The following TUBGCP5 variants were observed in gnomAD, a reference collection of about 807,000 sequenced individuals.
TUBGCP5 encodes tubulin gamma complex component 5, also known as gamma-tubulin complex component 5.
A neutral mutation model predicts 134.7 loss-of-function variants in TUBGCP5; 98 were observed. The ratio of observed to expected loss-of-function variants is 0.73; its 90% CI spans 0.62 to 0.86. The LOEUF is 0.86. TUBGCP5 is among the 40% of genes least tolerant of loss of function. TUBGCP5 has a pLI of 0.00. For synonymous variants in TUBGCP5, 456 were observed against 431.4 expected (o/e 1.06, Z -0.71); for missense variants, 1,150 against 1,244.8 (o/e 0.92, Z 1.15).
intron 16 of TUBGCP5, among the ~76,000 whole-genome samples, chr15:23,007,315 G>A (rs978068128): frequency 2.0e-5 from 3 of 152,128 alleles, no homozygotes; most frequent in Admixed American, 6.5e-5. Flanking sequence ...GCATGAACCC[G>A]GGAGGCGGAG....
downstream of TUBGCP5, among the ~76,000 whole-genome samples, chr15:22,995,701 G>A (rs965055646): frequency 1.3e-5 from 2 of 151,980 alleles, no homozygotes; most frequent in African/African-American, 2.4e-5. Flanking sequence ...ACAATTCAAT[G>A]AGTTTTGTCA....
Position 23,011,296 on chromosome 15 carries a change from C to T in TUBGCP5, c.1792G>A (p.Glu598Lys). ...ERKSLYTLFL[E>K]SVQSRLRHGE... is the part of the protein sequence containing the mutation. ...TGTCGAAGACGGGACTGTACAGATT[C>T]CAGAAAGAGAGTGTATAAACTTTTT... The change falls in exon 14 of 23, where the codon GAA (glutamate) becomes AAA (lysine). Residue 598 changes from glutamate to lysine, a missense_variant. By Grantham distance (56) the Glu-to-Lys change is moderately conservative (BLOSUM62 1). Coordinates refer to ENST00000615383, the MANE Select transcript of TUBGCP5 (RefSeq NM_052903.6). 1.2e-6 allele frequency: 2 copies of T among 1,613,042 alleles called. No homozygotes were observed. The highest frequency in any genetic ancestry group is 1.3e-5 in the African/African-American group (1 of 74,910).
At position 23,018,061 on chromosome 15, in the gene TUBGCP5, T is replaced by C; in HGVS notation, c.1488-20A>G. 1 of 1,585,612 alleles carries C rather than the reference T, an allele frequency of 6.3e-7. No individual in the cohort carries two copies. The highest frequency in any genetic ancestry group is 1.1e-5 in the South Asian group (1 of 86,960). ...TTGTTTCTAAAGAGATTCAAAAGAA[T>C]TTTAAACTCTTATTTCTCTTTCTTA... is the stretch of plus-strand genomic sequence containing the variant. On this transcript the variant is annotated intron_variant, in intron 12 of 22. Coordinates refer to ENST00000615383, the MANE Select transcript of TUBGCP5 (RefSeq NM_052903.6).
Position 23,024,801 on chromosome 15 carries a change from A to G in TUBGCP5, c.857T>C (p.Ile286Thr). 1 of 1,598,052 alleles carries G rather than the reference A, an allele frequency of 6.3e-7. No individual in the cohort carries two copies. The highest frequency in any genetic ancestry group is 1.1e-5 in the South Asian group (1 of 88,962). ...TACCTTCCCATCTATCAACTGAAAT[A>G]TAAAGAGCTTTTTCACTCCTGAAAG... ...WLLSGVKKLF[I>T]FQLIDGKVTV... The change falls in exon 9 of 23, where the codon ATA (isoleucine) becomes ACA (threonine). Residue 286 changes from isoleucine to threonine, a missense_variant. By Grantham distance (89) the Ile-to-Thr change is moderately conservative. Around this residue, in one of 2 missense-constraint regions of TUBGCP5, gnomAD observed 453 missense variants for 394.7 expected, o/e 1.15. Coordinates refer to ENST00000615383, the MANE Select transcript of TUBGCP5 (RefSeq NM_052903.6).
At chr15:22,987,390 C>T (rs760216000) in intron 23 of TUBGCP5, among the ~76,000 whole-genome samples, 33 of 151,574 alleles carry the variant, frequency 2.2e-4, no homozygotes, top group Admixed American at 5.3e-4. Flanking sequence ...GTTTCTGTCA[C>T]GGTCACAACA....
chr15:22,998,392 G>A (rs80331667), downstream of TUBGCP5, among the ~76,000 whole-genome samples: 288 of 152,260 alleles, frequency 1.9e-3, 5 homozygotes, highest in East Asian at 0.024. Flanking sequence ...TACATTTATC[G>A]CTATCAGTTG....
chr15:23,012,567 C>T (rs1367625400), intron 13 of TUBGCP5, among the ~76,000 whole-genome samples: 1 of 152,152 alleles, frequency 6.6e-6, no homozygotes, highest in Non-Finnish European at 1.5e-5. Flanking sequence ...GCCATCATGC[C>T]CAGCTAATTT....
intron 1 of TUBGCP5, among the ~76,000 whole-genome samples, chr15:23,037,884 C>T (rs2066685318): frequency 6.6e-6 from 1 of 152,182 alleles, no homozygotes; most frequent in African/African-American, 2.4e-5. Flanking sequence ...CCTGCCTCAG[C>T]CTCCCAAGTA....
At chr15:23,027,047 G>C (rs1032196592) in intron 7 of TUBGCP5, 145 bp downstream of exon 7, 2 of 668,464 alleles carry the variant, frequency 3.0e-6, no homozygotes, top group Non-Finnish European at 5.1e-6. Context: ...CGAAGAGTGA[G>C]AATCTGTCTC....
At chr15:23,009,089 A>G (rs969592766) in intron 15 of TUBGCP5, among the ~76,000 whole-genome samples, 6 of 152,130 alleles carry the variant, frequency 3.9e-5, no homozygotes, top group African/African-American at 1.2e-4. Context: ...GTTATCTTCT[A>G]TAACATTATA....
In TUBGCP5 at chr15:23,024,138, C is replaced by A. The variant is rs757984655; in HGVS notation, c.977G>T (p.Arg326Leu). Reference sequence around the variant, plus strand: ...GACTTCATCAATGAACTCCTGGAGTCGAAACACAACCTGGCCATATGCTGC... The same window carrying A: ...GACTTCATCAATGAACTCCTGGAGTAGAAACACAACCTGGCCATATGCTGC... ...QIAAYGQVVF[R>L]LQEFIDEVMG... The change falls in exon 10 of 23, where the codon CGA (arginine) becomes CTA (leucine). Residue 326 changes from arginine to leucine, a missense_variant. Transcript: ENST00000615383. 2 of 1,614,084 alleles carry A rather than the reference C, an allele frequency of 1.2e-6. No homozygotes were observed. The highest frequency in any genetic ancestry group is 2.2e-5 in the South Asian group (2 of 91,062).
At chr15:23,037,593 T>G (rs1173108971) in intron 1 of TUBGCP5, among the ~76,000 whole-genome samples, 1 of 152,158 alleles carries the variant, frequency 6.6e-6, no homozygotes, top group Non-Finnish European at 1.5e-5. Flanking sequence ...TTAAAGAAGT[T>G]TAAGATATGG....
chr15:22,984,060 T>C (rs2063609905), intron 23 of TUBGCP5, among the ~76,000 whole-genome samples: 1 of 150,880 alleles, frequency 6.6e-6, no homozygotes, highest in Non-Finnish European at 1.5e-5. Context: ...TTGGAGGTTG[T>C]AGTGAGCTGA....
At chr15:22,985,148 A>T (rs1252445503) in intron 23 of TUBGCP5, among the ~76,000 whole-genome samples, 1 of 152,226 alleles carries the variant, frequency 6.6e-6, no homozygotes, top group Non-Finnish European at 1.5e-5. Context: ...TCTACTTCTA[A>T]GTATTTACCT....
rs749109078 is a variant in TUBGCP5, at chr15:23,024,703, A to G, written c.921+34T>C. 18 of 1,129,768 alleles carry G rather than the reference A, an allele frequency of 1.6e-5. No individual in the cohort carries two copies. The South Asian group carries it at 2.6e-4, about 16-fold the overall frequency. The allele number at this position is 1,129,768 out of a possible 1,614,324, so 70.0% of individuals were successfully genotyped here. ...TATATTACTAGTTTACATAAATCCTATTTCTTAAATTACCATAAATACAAA... is the reference window on the plus strand; with the variant it reads ...TATATTACTAGTTTACATAAATCCTGTTTCTTAAATTACCATAAATACAAA... On this transcript the variant is annotated intron_variant, in intron 9 of 22. Transcript: ENST00000615383.
At chr15:23,004,385 G>T in intron 19 of TUBGCP5, 158 bp from the exon 20 acceptor site, 1 of 879,918 alleles carries the variant, frequency 1.1e-6, no homozygotes, top group Non-Finnish European at 1.7e-6. Context: ...TCAAAGGCTG[G>T]CTGGATACTC....
At chr15:23,033,720 G>A (rs574203583) in intron 3 of TUBGCP5, among the ~76,000 whole-genome samples, 2 of 152,244 alleles carry the variant, frequency 1.3e-5, no homozygotes, top group East Asian at 1.9e-4. Context: ...CATACGCATA[G>A]AATTACCTGT....
In TUBGCP5 at chr15:23,013,126, AAG is replaced by A. The variant is rs1267923792; in HGVS notation, c.1757-1797_1757-1796del. On this transcript the variant is annotated intron_variant, in intron 13 of 22. Transcript: ENST00000615383. The surrounding 1 kb of genome is among the most constrained non-coding windows in gnomAD (Gnocchi z 4.5). The stretch of plus-strand genomic sequence containing the variant: ...CGTCTGGTGTTCCTCTCCCAACAGC[AAG>A]AGAGGACCAAAGCAACGAATCAACA... Among the ~76,000 whole-genome samples the A allele has an allele frequency of 6.6e-6, 1 of 151,864 alleles. No individual in the cohort carries two copies. The highest frequency in any genetic ancestry group is 1.5e-5 in the Non-Finnish European group (1 of 67,984).
intron 10 of TUBGCP5, among the ~76,000 whole-genome samples, 175 bp from the exon 11 acceptor site, chr15:23,022,336 C>T (rs1433968887): frequency 6.6e-6 from 1 of 152,030 alleles, no homozygotes; most frequent in Non-Finnish European, 1.5e-5. Flanking sequence ...TCCTGCAAGT[C>T]ACAGAGAAAA....
Sources: allele counts gnomAD v4.1 joint callset (sites outside exome capture counted in the v4.1 genomes callset), GRCh38; gene constraint gnomAD v4.1.1; regional missense constraint gnomAD v4.1.1; non-coding constraint Gnocchi (gnomAD v3.1); transcripts MANE v1.5; gene names NCBI Gene and HGNC (gene_info 2026-07-23, HGNC 2026-07-21).